Variants in RABGAP1L observed in about 807,000 individuals in gnomAD.
The protein encoded by RABGAP1L is rab GTPase-activating protein 1-like.
Under a neutral mutation model 137.7 loss-of-function variants are expected in RABGAP1L, and 63 were observed. The ratio of observed to expected loss-of-function variants is 0.46; its 90% CI spans 0.37 to 0.56. The LOEUF is 0.56. Ranked by LOEUF, RABGAP1L falls within the 20% of genes least tolerant of loss-of-function variation. RABGAP1L has a pLI of 0.00. For missense variants in RABGAP1L, 1,095 were observed against 1,244.0 expected, an observed-to-expected ratio of 0.88 and a Z score of 1.80; for synonymous variants, 431 against 433.7, an observed-to-expected ratio of 0.99 and a Z score of 0.08.
At position 174,665,130 on chromosome 1, in the gene RABGAP1L, A is replaced by G. The variant is rs535500904; in HGVS notation, c.1825-18392A>G. On this transcript the variant is annotated intron_variant, in intron 14 of 25. Transcript: ENST00000681986. ...GATTAAAAAGAAGAATTGGCATTTT[A>G]TAGTTAGGTTTTATAGTCACTCACC... Among the ~76,000 whole-genome samples the G allele has an allele frequency of 2.0e-5, 3 of 152,176 alleles. No homozygotes were observed. The South Asian group carries it at 6.2e-4, about 32-fold the overall frequency.
chr1:174,550,983 C>CATATATATATATACACATATATAT (rs1272061190), intron 13 of RABGAP1L, among the ~76,000 whole-genome samples: 8 of 83,426 alleles, frequency 9.6e-5, no homozygotes, highest in Non-Finnish European at 1.6e-4. Flanking sequence ...TGTATATATA[C>CATATATATATATACACATATATAT]ATATATATAT....
At chr1:174,480,362 A>T (rs1308005745) in intron 13 of RABGAP1L, among the ~76,000 whole-genome samples, 1 of 152,244 alleles carries the variant, frequency 6.6e-6, no homozygotes, top group Non-Finnish European at 1.5e-5. Context: ...TAAATTTATT[A>T]TCTCATTTAT....
intron 13 of RABGAP1L, among the ~76,000 whole-genome samples, chr1:174,600,200 C>T (rs1322873278): frequency 6.6e-6 from 1 of 152,144 alleles, no homozygotes; most frequent in African/African-American, 2.4e-5. Context: ...CGGGAAAGAC[C>T]ATCCCCCATG....
At chr1:174,538,650 A>C (rs1379804715) in intron 13 of RABGAP1L, among the ~76,000 whole-genome samples, 1 of 152,166 alleles carries the variant, frequency 6.6e-6, no homozygotes, top group Non-Finnish European at 1.5e-5. Context: ...ACTGTGCACT[A>C]TAAAATTGTT....
intron 7 of RABGAP1L, among the ~76,000 whole-genome samples, chr1:174,254,082 C>T (rs1411059987): frequency 6.6e-6 from 1 of 151,800 alleles, no homozygotes; most frequent in Non-Finnish European, 1.5e-5. Context: ...GGTATCTGGC[C>T]CCCAGTTATC....
intron 1 of RABGAP1L, among the ~76,000 whole-genome samples, chr1:174,172,206 G>GTA (rs1665465747): frequency 1.4e-5 from 2 of 140,992 alleles, no homozygotes; most frequent in African/African-American, 5.9e-5. Flanking sequence ...GTGTGTGTGT[G>GTA]TGTGTGTGTG....
chr1:174,875,787 T>C (rs972083679), intron 19 of RABGAP1L: 4 of 837,996 alleles, frequency 4.8e-6, no homozygotes, highest in Non-Finnish European at 5.7e-6. Context: ...TTAGTCAGAG[T>C]CAGGATAAAT....
At chr1:174,741,040 G>GTTTTTTTTT (rs1234675421) in intron 17 of RABGAP1L, among the ~76,000 whole-genome samples, 3 of 114,864 alleles carry the variant, frequency 2.6e-5, no homozygotes, top group African/African-American at 4.3e-5. Flanking sequence ...TGATTTTTTT[G>GTTTTTTTTT]TTTTGTTTTT....
chr1:174,583,113 A>G (rs1668861852), intron 13 of RABGAP1L, among the ~76,000 whole-genome samples: 1 of 152,196 alleles, frequency 6.6e-6, no homozygotes, highest in African/African-American at 2.4e-5. Context: ...GTCATTAAGG[A>G]AAAAATGACT....
chr1:174,432,612 A>G (rs1365208151), intron 13 of RABGAP1L, among the ~76,000 whole-genome samples: 2 of 152,108 alleles, frequency 1.3e-5, no homozygotes, highest in East Asian at 1.9e-4. Context: ...ATCTCAGCTG[A>G]CTGCAACCTC....
At chr1:174,325,635 G>A (rs544879593) in intron 11 of RABGAP1L, among the ~76,000 whole-genome samples, 1 of 152,260 alleles carries the variant, frequency 6.6e-6, no homozygotes, top group African/African-American at 2.4e-5. Context: ...AAAATGAGTT[G>A]GAGCTGCACA....
intron 13 of RABGAP1L, among the ~76,000 whole-genome samples, chr1:174,590,327 T>G (rs1372246841): frequency 1.4e-5 from 2 of 139,136 alleles, no homozygotes; most frequent in African/African-American, 2.7e-5. Flanking sequence ...TGCTGTATTG[T>G]TTTTTTTTCT....
chr1:174,208,045 TTTCC>T (rs1668620714), intron 1 of RABGAP1L, among the ~76,000 whole-genome samples: 1 of 152,196 alleles, frequency 6.6e-6, no homozygotes, highest in African/African-American at 2.4e-5. Context: ...TCTGATTTAA[TTTCC>T]TTCCTCAGTG....
chr1:174,415,109 G>A (rs1395324426), intron 13 of RABGAP1L, among the ~76,000 whole-genome samples: 1 of 152,026 alleles, frequency 6.6e-6, no homozygotes, highest in Non-Finnish European at 1.5e-5. Context: ...ACTGGCTTGT[G>A]ATTTAATTAA....
At chr1:174,940,768 A>G in intron 19 of RABGAP1L, among the ~76,000 whole-genome samples, 1 of 152,210 alleles carries the variant, frequency 6.6e-6, no homozygotes, top group East Asian at 1.9e-4. Flanking sequence ...CTGGCTACCA[A>G]AACAATCCAA....
At chr1:174,857,449 G>T (rs1257807735) in intron 19 of RABGAP1L, among the ~76,000 whole-genome samples, 1 of 152,004 alleles carries the variant, frequency 6.6e-6, no homozygotes, top group African/African-American at 2.4e-5. Flanking sequence ...TTCCCCAGCT[G>T]TAAATCAGGC....
intron 17 of RABGAP1L, among the ~76,000 whole-genome samples, chr1:174,717,691 T>C (rs1304106090): frequency 6.6e-6 from 1 of 152,192 alleles, no homozygotes; most frequent in Non-Finnish European, 1.5e-5. Context: ...AGATGTATTA[T>C]CTAATTCTTG....
intron 11 of RABGAP1L, among the ~76,000 whole-genome samples, chr1:174,327,692 A>G (rs1041414133): frequency 2.0e-5 from 3 of 151,850 alleles, no homozygotes; most frequent in African/African-American, 7.3e-5. Flanking sequence ...TTCTTTGAAA[A>G]GACGCAGAGT....
intron 11 of RABGAP1L, among the ~76,000 whole-genome samples, chr1:174,351,788 T>G (rs1023018432): frequency 3.0e-5 from 3 of 100,552 alleles, no homozygotes; most frequent in African/African-American, 2.1e-4. Flanking sequence ...TCTCTGTGTG[T>G]TTTTTTTGTT....
Sources: gnomAD v4.1 joint callset for allele counts (sites outside exome capture counted in the v4.1 genomes callset) on GRCh38, gnomAD v4.1.1 for gene constraint, MANE v1.5 for transcripts, NCBI Gene and HGNC (gene_info 2026-07-23, HGNC 2026-07-21) for gene names.